The following SKAP1 variants were observed in gnomAD, a reference collection of about 807,000 sequenced individuals.
The protein encoded by SKAP1 is src kinase-associated phosphoprotein 1.
Under a neutral mutation model 58.5 loss-of-function variants are expected in SKAP1, and 44 were observed. That is an observed-to-expected ratio of 0.75 (90% confidence interval 0.59 to 0.97). The LOEUF (loss-of-function observed/expected upper bound fraction) is 0.97, where lower values mean the gene tolerates loss of function less well. SKAP1 is among the 50% of genes least tolerant of loss of function. The probability of loss-of-function intolerance (pLI) is 0.00; values close to 1 mark genes in which losing one functional copy is unlikely to be tolerated. For synonymous variants in SKAP1, 127 were observed against 149.7 expected (o/e 0.85, Z 1.11); for missense variants, 390 against 435.2 (o/e 0.90, Z 0.92).
At chr17:48,147,940 G>A (rs2063851656) in intron 11 of SKAP1, among the ~76,000 whole-genome samples, 1 of 147,080 alleles carries the variant, frequency 6.8e-6, no homozygotes, top group Non-Finnish European at 1.5e-5. Flanking sequence ...AGGGGGACAT[G>A]GGAAGGCTGG....
At chr17:48,229,289 A>G (rs1374564595) in intron 4 of SKAP1, among the ~76,000 whole-genome samples, 3 of 152,218 alleles carry the variant, frequency 2.0e-5, no homozygotes, top group Non-Finnish European at 4.4e-5. Context: ...TAGAAGCATC[A>G]GTTAAGTTAG....
intron 1 of SKAP1, among the ~76,000 whole-genome samples, chr17:48,400,101 CTTT>C (rs34859955): frequency 4.3e-5 from 6 of 138,116 alleles, no homozygotes; most frequent in Non-Finnish European, 7.8e-5. Context: ...TTTTTCTTTT[CTTT>C]TTTTTTTTTT....
intron 10 of SKAP1, among the ~76,000 whole-genome samples, chr17:48,167,818 A>G (rs2064159837): frequency 6.6e-6 from 1 of 152,184 alleles, no homozygotes; most frequent in South Asian, 2.1e-4. Context: ...AGTAATTTCT[A>G]TAAAAAACGA....
chr17:48,338,694 A>G (rs1231432241), intron 4 of SKAP1, among the ~76,000 whole-genome samples: 1 of 152,192 alleles, frequency 6.6e-6, no homozygotes, highest in Non-Finnish European at 1.5e-5. Flanking sequence ...AACACACACC[A>G]ACAGCCCAAA....
intron 3 of SKAP1, among the ~76,000 whole-genome samples, chr17:48,355,736 A>G (rs992637587): frequency 1.3e-4 from 20 of 152,146 alleles, no homozygotes; most frequent in African/African-American, 4.8e-4. Flanking sequence ...CTGAGGCATA[A>G]GAATTGGTTG....
Position 48,174,314 on chromosome 17 carries a change from T to C in SKAP1, c.827-3655A>G, listed in dbSNP as rs74580941. Among the ~76,000 whole-genome samples the C allele has an allele frequency of 2.0e-3, 309 of 152,294 alleles. 5 individuals are homozygous for C. The highest frequency in any genetic ancestry group is 0.014 in the Admixed American group (208 of 15,292). ...GGCTCAAATCAAGAAGCCTTCCCAT[T>C]GATGGGCTTGGCGCTATGCCTCTGG... On this transcript the variant is annotated intron_variant, in intron 9 of 12. Transcript: ENST00000336915.
At chr17:48,327,280 T>A (rs1174658732) in intron 4 of SKAP1, among the ~76,000 whole-genome samples, 1 of 152,228 alleles carries the variant, frequency 6.6e-6, no homozygotes, top group Non-Finnish European at 1.5e-5. Context: ...TGCTATTTAT[T>A]TTTAAAAATT....
chr17:48,390,217 TA>T (rs1390916858), intron 2 of SKAP1, among the ~76,000 whole-genome samples: 1 of 152,102 alleles, frequency 6.6e-6, no homozygotes, highest in East Asian at 1.9e-4. Context: ...CCATCATCAG[TA>T]AGGTCCCAAG....
In SKAP1 at chr17:48,285,388, G is replaced by A. The variant is rs373798176; in HGVS notation, c.280+60517C>T. On this transcript the variant is annotated intron_variant, in intron 4 of 12. Coordinates refer to ENST00000336915, the MANE Select transcript of SKAP1 (RefSeq NM_003726.4). Reference sequence around the variant, plus strand: ...TCCCAGCACTTTGGGAGGCCAAGGCGGGTGGATCACGAGGTCAGGAGTTGG... The same window carrying A: ...TCCCAGCACTTTGGGAGGCCAAGGCAGGTGGATCACGAGGTCAGGAGTTGG... Among the ~76,000 whole-genome samples the A allele has an allele frequency of 3.1e-3, 468 of 152,258 alleles. 4 individuals are homozygous for A. Among genetic ancestry groups the A allele is most frequent in the African/African-American group, 0.011 (444 of 41,562 alleles).
At chr17:48,426,400 T>G (rs1229525149) in intron 1 of SKAP1, among the ~76,000 whole-genome samples, 9 of 152,218 alleles carry the variant, frequency 5.9e-5, no homozygotes, top group Non-Finnish European at 1.3e-4. Context: ...GTAGGCCCCA[T>G]TCCATCACAC....
rs1005370582 is a variant in SKAP1, at chr17:48,380,009, C to T, written c.153-16195G>A. ...AAGTATCATTCTTACCCATTTACTA[C>T]TTTGTCATAATTAAACCCTTACATA... On this transcript the variant is annotated intron_variant, in intron 2 of 12. Coordinates refer to ENST00000336915, the MANE Select transcript of SKAP1 (RefSeq NM_003726.4). 2.5e-4 allele frequency among the ~76,000 whole-genome samples: 38 copies of T among 152,164 alleles called. 1 individual carries two copies. Among genetic ancestry groups the T allele is most frequent in the Admixed American group, 2.1e-3 (32 of 15,274 alleles).
chr17:48,253,467 T>C (rs2065389757), intron 4 of SKAP1, among the ~76,000 whole-genome samples: 1 of 152,214 alleles, frequency 6.6e-6, no homozygotes, highest in Admixed American at 6.5e-5. Context: ...AGCAGTTTTA[T>C]GAGCAATGGC....
chr17:48,172,353 T>C (rs2064228877), intron 9 of SKAP1, among the ~76,000 whole-genome samples: 1 of 152,204 alleles, frequency 6.6e-6, no homozygotes, highest in South Asian at 2.1e-4. Context: ...GTCAAAGTCA[T>C]AACATAATTG....
intron 7 of SKAP1, among the ~76,000 whole-genome samples, chr17:48,184,081 A>T (rs1233334021): frequency 6.6e-6 from 1 of 152,252 alleles, no homozygotes; most frequent in Non-Finnish European, 1.5e-5. Flanking sequence ...TTGGTCATTC[A>T]GCATGAAGAT....
intron 11 of SKAP1, among the ~76,000 whole-genome samples, chr17:48,144,692 T>C (rs1458776909): frequency 6.6e-6 from 1 of 152,172 alleles, no homozygotes; most frequent in African/African-American, 2.4e-5. Context: ...TGTCTAAAGG[T>C]GCTAATTTAC....
At chr17:48,287,919 T>C (rs2065852058) in intron 4 of SKAP1, among the ~76,000 whole-genome samples, 1 of 152,214 alleles carries the variant, frequency 6.6e-6, no homozygotes, top group Admixed American at 6.5e-5. Flanking sequence ...ACGTCTTACA[T>C]AGCATCATAA....
At chr17:48,220,800 C>T (rs1269157895) in intron 4 of SKAP1, among the ~76,000 whole-genome samples, 2 of 134,638 alleles carry the variant, frequency 1.5e-5, no homozygotes, top group African/African-American at 5.9e-5. Flanking sequence ...TTGCAATAAG[C>T]CCAGATTGCG....
intron 4 of SKAP1, among the ~76,000 whole-genome samples, chr17:48,270,053 G>A (rs565941319): frequency 6.6e-6 from 1 of 152,306 alleles, no homozygotes; most frequent in African/African-American, 2.4e-5. Flanking sequence ...GGAGGTTGCA[G>A]TGAGCCAAGA....
rs1461930081 is a variant in SKAP1, at chr17:48,201,601, G to T, written c.281-12101C>A. The stretch of plus-strand genomic sequence containing the variant: ...AGGGTCTCACTATGTTTCCCAGGCT[G>T]GTCTTGAACTCCTGGTCTCAAACTT... On this transcript the variant is annotated intron_variant, in intron 4 of 12. Transcript: ENST00000336915. 1.3e-5 allele frequency among the ~76,000 whole-genome samples: 2 copies of T among 152,056 alleles called. 1 individual carries two copies. Among genetic ancestry groups the T allele is most frequent in the Non-Finnish European group, 2.9e-5 (2 of 68,012 alleles).
Sources: allele counts gnomAD v4.1 joint callset (sites outside exome capture counted in the v4.1 genomes callset), GRCh38; gene constraint gnomAD v4.1.1; transcripts MANE v1.5; gene names NCBI Gene and HGNC (gene_info 2026-07-23, HGNC 2026-07-21).